Variants in ZMYM6 observed in about 807,000 individuals in gnomAD.
ZMYM6 encodes zinc finger MYM-type containing 6.
Under a neutral mutation model 134.0 loss-of-function variants are expected in ZMYM6, and 90 were observed. That is an observed-to-expected ratio of 0.67 (90% CI 0.57 to 0.80). The LOEUF (loss-of-function observed/expected upper bound fraction) is 0.80, where lower values mean the gene tolerates loss of function less well. Ranked by LOEUF, ZMYM6 falls within the 30% of genes least tolerant of loss-of-function variation. The probability of loss-of-function intolerance (pLI) is 0.00; values close to 1 mark genes in which losing one functional copy is unlikely to be tolerated. For synonymous variants in ZMYM6, 481 were observed against 524.1 expected (o/e 0.92, Z 1.12); for missense variants, 1,362 against 1,533.9 (o/e 0.89, Z 1.87).
intron 2 of ZMYM6, among the ~76,000 whole-genome samples, chr1:35,021,638 A>C (rs994478103): frequency 8.5e-5 from 13 of 152,130 alleles, no homozygotes; most frequent in African/African-American, 3.1e-4. Context: ...AAAGAAAAAG[A>C]AAAAAAGAAA....
chr1:35,028,977 G>T (rs932875754), intron 2 of ZMYM6, among the ~76,000 whole-genome samples: 1 of 151,686 alleles, frequency 6.6e-6, no homozygotes, highest in Non-Finnish European at 1.5e-5. Context: ...GATCACCTGA[G>T]GTCAGGAGTT....
chr1:35,028,976 AG>A (rs1641467524), intron 2 of ZMYM6, among the ~76,000 whole-genome samples: 1 of 151,940 alleles, frequency 6.6e-6, no homozygotes, highest in Non-Finnish European at 1.5e-5. Context: ...GGATCACCTG[AG>A]GTCAGGAGTT....
At chr1:34,999,702 C>T (rs1442295606) in intron 14 of ZMYM6, among the ~76,000 whole-genome samples, 1 of 151,922 alleles carries the variant, frequency 6.6e-6, no homozygotes, top group African/African-American at 2.4e-5. Context: ...AATAAGATAA[C>T]AATAAGATAC....
intron 14 of ZMYM6, among the ~76,000 whole-genome samples, chr1:34,995,395 TAC>T (rs144736115): frequency 1.4e-4 from 21 of 150,736 alleles, no homozygotes; most frequent in Admixed American, 4.0e-4. Flanking sequence ...TATATATATA[TAC>T]ACACACACAC....
chr1:34,987,764 A>G lies in ZMYM6; in HGVS notation c.3318T>C (p.Asp1106=), dbSNP rs369530067. ...AGGCCAGCTTTCCAACCCATTCCTCATCATGAAAATACTTGGCCAAATCTG... is the reference window on the plus strand; with the variant it reads ...AGGCCAGCTTTCCAACCCATTCCTCGTCATGAAAATACTTGGCCAAATCTG... ...KHSDLAKYFH[D]EEWVGKLAYL... is the part of the protein sequence containing the mutation. Residue 1106 remains aspartate, a synonymous_variant, in exon 16 of 16, where the codon GAT becomes GAC. Coordinates refer to ENST00000357182, the MANE Select transcript of ZMYM6 (RefSeq NM_007167.4). 181 of 1,551,548 alleles carry G rather than the reference A, an allele frequency of 1.2e-4. 1 individual carries two copies. In the Admixed American group the frequency reaches 3.0e-3, roughly 25 times the overall value.
chr1:35,020,259 A>G (rs760075803), intron 3 of ZMYM6, 124 bp downstream of exon 3: 6 of 787,108 alleles, frequency 7.6e-6, no homozygotes, highest in Non-Finnish European at 1.2e-5. Flanking sequence ...CCAGCTACTC[A>G]CAGTTTGAAA....
chr1:35,023,915 C>T (rs554926746), intron 2 of ZMYM6, among the ~76,000 whole-genome samples: 11 of 152,246 alleles, frequency 7.2e-5, no homozygotes, highest in African/African-American at 2.4e-4. Flanking sequence ...AGCCACCGCG[C>T]CCGGCCAGAT....
intron 15 of ZMYM6, chr1:34,989,907 A>C (rs1487174561): frequency 6.6e-6 from 1 of 152,260 alleles, no homozygotes; most frequent in Non-Finnish European, 1.5e-5. Flanking sequence ...TCTCAAAAAA[A>C]AGAAAGAAAA....
chr1:35,011,179 A>G (rs944920823), intron 8 of ZMYM6, 143 bp from the exon 9 acceptor site: 5 of 884,120 alleles, frequency 5.7e-6, no homozygotes, highest in African/African-American at 3.4e-5. Flanking sequence ...TTTAAATGGT[A>G]TATTTCCAGA....
chr1:35,020,537 C>CAA, intron 2 of ZMYM6, 70 bp from the exon 3 acceptor site: 2 of 930,604 alleles, frequency 2.1e-6, no homozygotes, highest in African/African-American at 1.8e-5. Context: ...GAAATTCAAG[C>CAA]AAAAAAAAAT....
chr1:35,011,080 T>A, intron 8 of ZMYM6, 44 bp from the exon 9 acceptor site: 1 of 1,565,274 alleles, frequency 6.4e-7, no homozygotes, highest in African/African-American at 1.4e-5. Context: ...AACTGAGAAA[T>A]AAGATAACTT....
chr1:35,012,071 T>C, intron 7 of ZMYM6, 66 bp from the exon 8 acceptor site: 2 of 991,836 alleles, frequency 2.0e-6, no homozygotes, highest in Non-Finnish European at 2.9e-6. Flanking sequence ...CAAAAATGTA[T>C]TGGGAGAATG....
intron 14 of ZMYM6, 24 bp downstream of exon 14, chr1:35,003,944 A>G (rs1343611543): frequency 3.7e-6 from 6 of 1,605,632 alleles, no homozygotes; most frequent in Non-Finnish European, 5.1e-6. Flanking sequence ...CATTATCAAG[A>G]AAAGTATTAA....
chr1:34,999,331 C>A (rs890306945), intron 14 of ZMYM6, among the ~76,000 whole-genome samples: 3 of 152,040 alleles, frequency 2.0e-5, no homozygotes, highest in Non-Finnish European at 4.4e-5. Context: ...CAGACAAAAG[C>A]CTGACTGGAA....
chr1:35,019,188 T>C, intron 4 of ZMYM6, 165 bp downstream of exon 4: 1 of 986,854 alleles, frequency 1.0e-6, no homozygotes. Flanking sequence ...AAGTCACTTA[T>C]TTAATGTTGC....
intron 4 of ZMYM6, among the ~76,000 whole-genome samples, chr1:35,016,471 C>A (rs1641190147): frequency 6.6e-6 from 1 of 152,064 alleles, no homozygotes; most frequent in Admixed American, 6.6e-5. Flanking sequence ...GCAATAAGCA[C>A]AAATAGCAAT....
At chr1:35,013,210 T>G in intron 6 of ZMYM6, 1 of 704,882 alleles carries the variant, frequency 1.4e-6, no homozygotes, top group Non-Finnish European at 1.7e-6. Context: ...CACAGAAACC[T>G]TTCAACAACA....
At chr1:34,998,055 C>A (rs145865940) in intron 14 of ZMYM6, among the ~76,000 whole-genome samples, 1 of 151,968 alleles carries the variant, frequency 6.6e-6, no homozygotes, top group South Asian at 2.1e-4. Flanking sequence ...CCGAGGCAGG[C>A]GGATCACAAG....
chr1:34,988,905 G>A lies in ZMYM6; in HGVS notation c.2177C>T (p.Ala726Val). ...CTTTGAAGGTGGAGAATCAAGTTCTGCATCATTTTTTTCATTAGGCATAGG... is the reference window on the plus strand; with the variant it reads ...CTTTGAAGGTGGAGAATCAAGTTCTACATCATTTTTTTCATTAGGCATAGG... ...DLPMPNEKND[A>V]ELDSPPSKKK... Residue 726 changes from alanine to valine, a missense_variant, in exon 16 of 16, where the codon GCA (alanine) becomes GTA (valine). Ala to Val is a moderately conservative substitution (Grantham distance 64). Transcript: ENST00000357182. 6.2e-7 allele frequency: 1 copy of A among 1,612,002 alleles called. No homozygotes were observed. The highest frequency in any genetic ancestry group is 8.5e-7 in the Non-Finnish European group (1 of 1,179,596).
Sources: gnomAD v4.1 joint callset for allele counts (sites outside exome capture counted in the v4.1 genomes callset) on GRCh38, gnomAD v4.1.1 for gene constraint, MANE v1.5 for transcripts, NCBI Gene and HGNC (gene_info 2026-07-23, HGNC 2026-07-21) for gene names.